Variants in SYBU observed in about 807,000 individuals in gnomAD.
SYBU encodes syntabulin.
Under a neutral mutation model 35.9 loss-of-function variants are expected in SYBU, and 21 were observed. That is an observed-to-expected ratio of 0.58 (90% CI 0.41 to 0.84). The LOEUF (loss-of-function observed/expected upper bound fraction) is 0.84, where lower values mean the gene tolerates loss of function less well. Among genes scored for constraint, SYBU ranks in the 40% least tolerant of loss-of-function variants. The probability of loss-of-function intolerance (pLI) is 0.00; values close to 1 mark genes in which losing one functional copy is unlikely to be tolerated. For synonymous variants in SYBU, 319 were observed against 324.3 expected (o/e 0.98, Z 0.18); for missense variants, 768 against 848.2 (o/e 0.91, Z 1.17).
At chr8:109,680,755 T>C (rs1024652956) in exon 1 of SYBU, 7 of 152,192 alleles carry the variant, frequency 4.6e-5, no homozygotes, top group African/African-American at 1.7e-4. Flanking sequence ...CTCAGCCAAA[T>C]AGAAAGAACA....
At chr8:109,636,069 T>G (rs1446999282) in intron 2 of SYBU, among the ~76,000 whole-genome samples, 1 of 152,218 alleles carries the variant, frequency 6.6e-6, no homozygotes, top group African/African-American at 2.4e-5. Context: ...ACTTGCCTAG[T>G]TCCTGTATGG....
intron 1 of SYBU, among the ~76,000 whole-genome samples, chr8:109,663,481 T>A (rs529052469): frequency 2.6e-5 from 4 of 152,254 alleles, no homozygotes; most frequent in African/African-American, 9.6e-5. Context: ...GTCAGTGCAG[T>A]GTGTATAATG....
chr8:109,594,413 C>A (rs957458690), intron 3 of SYBU, among the ~76,000 whole-genome samples: 1 of 152,122 alleles, frequency 6.6e-6, no homozygotes, highest in African/African-American at 2.4e-5. Flanking sequence ...CAATTCTAGA[C>A]CACAAATGGA....
chr8:109,599,255 G>C (rs1466514963), intron 3 of SYBU, among the ~76,000 whole-genome samples: 1 of 152,152 alleles, frequency 6.6e-6, no homozygotes, highest in African/African-American at 2.4e-5. Context: ...ATCTACTTTC[G>C]ACAAAGATAA....
chr8:109,586,263 A>T, intron 3 of SYBU, 101 bp from the exon 4 acceptor site: 2 of 817,298 alleles, frequency 2.4e-6, no homozygotes, highest in Non-Finnish European at 3.9e-6. Flanking sequence ...GCGTTTGCAC[A>T]CTATTGGCAA....
In SYBU at chr8:109,575,770, C is replaced by A. The variant is rs1002876930; in HGVS notation, c.1128G>T (p.Met376Ile). The A allele has an allele frequency of 6.2e-7, 1 of 1,614,084 alleles. No individual in the cohort carries two copies. The highest frequency in any genetic ancestry group is 1.3e-5 in the African/African-American group (1 of 74,932). Residue 376 changes from methionine to isoleucine, a missense_variant, in exon 7 of 7, where the codon ATG (methionine) becomes ATT (isoleucine). Physicochemically the swap from Met to Ile is conservative, Grantham distance 10. Coordinates refer to ENST00000276646, the MANE Select transcript of SYBU (RefSeq NM_001099754.2). ...TCAGAGAGCCACTGTGTGCCATCTC[C>A]ATGCTCTGAAGGAGAGACTCCAGCT... Reference protein sequence around the residue: ...NKKLESLLQSMEMAHSGSLRD... With the variant: ...NKKLESLLQSIEMAHSGSLRD...
At chr8:109,676,315 G>A (rs902817139) in intron 1 of SYBU, among the ~76,000 whole-genome samples, 7 of 152,170 alleles carry the variant, frequency 4.6e-5, no homozygotes, top group African/African-American at 1.7e-4. Context: ...AGAAATAAAG[G>A]GTATTCAAAT....
At chr8:109,648,262 A>AAT (rs1180010500), upstream of SYBU, among the ~76,000 whole-genome samples, 123 of 136,422 alleles carry the variant, frequency 9.0e-4, no homozygotes, top group African/African-American at 2.9e-3. Flanking sequence ...TATATACAAT[A>AAT]ATATATATAT....
chr8:109,632,261 G>A (rs191949035), intron 2 of SYBU, among the ~76,000 whole-genome samples: 119 of 152,256 alleles, frequency 7.8e-4, no homozygotes, highest in African/African-American at 2.1e-3. Context: ...GGCTGGTCTC[G>A]AACTCCTGAC....
intron 2 of SYBU, among the ~76,000 whole-genome samples, chr8:109,640,384 T>C (rs1353926172): frequency 6.6e-6 from 1 of 152,154 alleles, no homozygotes; most frequent in African/African-American, 2.4e-5. Flanking sequence ...CAACTTTTTC[T>C]TTTTTTCTGA....
At chr8:109,645,289 CGG>C, upstream of SYBU, 3 of 456,666 alleles carry the variant, frequency 6.6e-6, no homozygotes, top group Non-Finnish European at 1.3e-5. Context: ...CCTCTCGTAC[CGG>C]AGCCCAGCCA....
At chr8:109,597,114 G>C (rs1298436342) in intron 3 of SYBU, among the ~76,000 whole-genome samples, 1 of 152,186 alleles carries the variant, frequency 6.6e-6, no homozygotes, top group Admixed American at 6.5e-5. Flanking sequence ...GTGATGCCCT[G>C]TTGAGTTTGG....
At chr8:109,656,280 A>C (rs183860151) in intron 1 of SYBU, among the ~76,000 whole-genome samples, 1 of 152,218 alleles carries the variant, frequency 6.6e-6, no homozygotes, top group Non-Finnish European at 1.5e-5. Flanking sequence ...ATAGAACCGT[A>C]AGTTTGTTAA....
chr8:109,576,041 T>TAAA, intron 6 of SYBU, 28 bp from the exon 7 acceptor site: 2 of 754,108 alleles, frequency 2.7e-6, no homozygotes, highest in Non-Finnish European at 3.3e-6. Context: ...GCATGGTTAA[T>TAAA]TAAAAAAAAA....
intron 4 of SYBU, 114 bp downstream of exon 4, chr8:109,585,946 C>A: frequency 1.4e-6 from 1 of 717,040 alleles, no homozygotes; most frequent in South Asian, 1.9e-5. Flanking sequence ...CAAAAAGCCT[C>A]ACTGAATAAT....
chr8:109,624,274 C>T (rs187887947), intron 2 of SYBU, among the ~76,000 whole-genome samples: 256 of 152,184 alleles, frequency 1.7e-3, no homozygotes, highest in African/African-American at 5.7e-3. Context: ...AAATTATCCA[C>T]GAACAATTCT....
chr8:109,619,141 C>T (rs563362442), intron 2 of SYBU, 102 bp from the exon 3 acceptor site: 49 of 810,264 alleles, frequency 6.0e-5, no homozygotes, highest in East Asian at 4.4e-4. Flanking sequence ...CACTCGCACA[C>T]GTACACTCTG....
At chr8:109,623,841 C>A (rs1586864161) in intron 2 of SYBU, among the ~76,000 whole-genome samples, 1 of 151,980 alleles carries the variant, frequency 6.6e-6, no homozygotes, top group Non-Finnish European at 1.5e-5. Context: ...TGTGTGAAAT[C>A]TGAAATACAG....
chr8:109,611,636 C>T (rs939408230), intron 3 of SYBU, among the ~76,000 whole-genome samples: 1 of 152,174 alleles, frequency 6.6e-6, no homozygotes, highest in African/African-American at 2.4e-5. Context: ...CTTGCTTAAG[C>T]TGACAAACTC....
Sources: allele counts gnomAD v4.1 joint callset (sites outside exome capture counted in the v4.1 genomes callset), GRCh38; gene constraint gnomAD v4.1.1; transcripts MANE v1.5; gene names NCBI Gene and HGNC (gene_info 2026-07-23, HGNC 2026-07-21).